The following NEK11 variants were observed in gnomAD, a reference collection of about 807,000 sequenced individuals.
The protein encoded by NEK11 is serine/threonine-protein kinase Nek11.
In NEK11, 72 loss-of-function variants were observed where a neutral mutation model predicts 80.7. The ratio of observed to expected loss-of-function variants is 0.89; its 90% CI spans 0.74 to 1.08. The LOEUF (loss-of-function observed/expected upper bound fraction) is 1.08. Among genes scored for constraint, NEK11 ranks in the 50% least tolerant of loss-of-function variants. The pLI is 0.00. For synonymous variants in NEK11, 251 were observed against 260.7 expected, an observed-to-expected ratio of 0.96 and a Z score of 0.36; for missense variants, 764 against 763.6, an observed-to-expected ratio of 1.00 and a Z score of -0.01.
intron 14 of NEK11, among the ~76,000 whole-genome samples, chr3:131,190,608 G>A (rs368622298): frequency 2.0e-5 from 3 of 152,056 alleles, no homozygotes; most frequent in African/African-American, 7.2e-5. Flanking sequence ...CACAACACTT[G>A]CTGTACAGCC....
At chr3:131,029,988 C>T (rs779349790) in intron 3 of NEK11, 110 bp downstream of exon 3, 108 of 1,024,602 alleles carry the variant, frequency 1.1e-4, no homozygotes, top group Non-Finnish European at 1.2e-4. Context: ...GCCTGTAATC[C>T]CAGCACTGTG....
intron 4 of NEK11, among the ~76,000 whole-genome samples, chr3:131,104,876 G>A (rs2078949545): frequency 6.6e-6 from 1 of 152,192 alleles, no homozygotes; most frequent in South Asian, 2.1e-4. Context: ...ATGCAGACAT[G>A]TGGTCCTTGG....
intron 16 of NEK11, among the ~76,000 whole-genome samples, chr3:131,258,970 T>C (rs376436232): frequency 1.4e-4 from 22 of 152,280 alleles, no homozygotes; most frequent in Admixed American, 3.9e-4. Context: ...CTTGGGTCTT[T>C]TGTAGCAATA....
chr3:131,043,102 T>C (rs969092211), intron 3 of NEK11, among the ~76,000 whole-genome samples: 1 of 151,954 alleles, frequency 6.6e-6, no homozygotes, highest in African/African-American at 2.4e-5. Context: ...AAAAACTTCA[T>C]CCAAAGGTCA....
intron 3 of NEK11, among the ~76,000 whole-genome samples, chr3:131,034,967 G>A (rs540956524): frequency 2.6e-5 from 4 of 152,240 alleles, no homozygotes; most frequent in African/African-American, 4.8e-5. Flanking sequence ...ATCCAAGTGC[G>A]TATCCAAATA....
At chr3:131,052,766 C>T (rs1254426483) in intron 3 of NEK11, among the ~76,000 whole-genome samples, 2 of 152,082 alleles carry the variant, frequency 1.3e-5, no homozygotes, top group Admixed American at 1.3e-4. Flanking sequence ...AGGCCCAGTA[C>T]CCTCTGACCT....
At chr3:131,148,475 T>C (rs946218483) in intron 7 of NEK11, among the ~76,000 whole-genome samples, 1 of 151,992 alleles carries the variant, frequency 6.6e-6, no homozygotes, top group Non-Finnish European at 1.5e-5. Flanking sequence ...CTGGAGTTTT[T>C]CTTTGCAAGA....
At chr3:131,112,136 C>G (rs1057251873) in intron 5 of NEK11, among the ~76,000 whole-genome samples, 3 of 152,026 alleles carry the variant, frequency 2.0e-5, no homozygotes. Context: ...TCCATAGAAG[C>G]CTTTTTTGTA....
intron 3 of NEK11, among the ~76,000 whole-genome samples, chr3:131,058,246 A>C (rs922508232): frequency 2.0e-5 from 3 of 152,046 alleles, no homozygotes; most frequent in African/African-American, 4.8e-5. Flanking sequence ...CCATTGATCT[A>C]TGTCTCTGTT....
At chr3:131,128,360 G>T (rs1243221276) in intron 5 of NEK11, among the ~76,000 whole-genome samples, 3 of 151,850 alleles carry the variant, frequency 2.0e-5, no homozygotes, top group South Asian at 2.1e-4. Context: ...TCTTTTTGTT[G>T]TCTCCATAGT....
chr3:131,133,938 A>T lies in NEK11; in HGVS notation c.629A>T (p.Asp210Val). ...GAGGCTCTGAAACACCAAGGCTATG[A>T]CACAAAGTCGGACATCTGGTGAGTG... Reference protein sequence around the residue: ...SPEALKHQGYDTKSDIWSLAC... With the variant: ...SPEALKHQGYVTKSDIWSLAC... The change falls in exon 7 of 18, where the codon GAC (aspartate) becomes GTC (valine). Residue 210 changes from aspartate (D) to valine (V), a missense_variant. Transcript: ENST00000383366. The T allele has an allele frequency of 6.2e-7, 1 of 1,610,238 alleles. No individual in the cohort carries two copies. The highest frequency in any genetic ancestry group is 8.5e-7 in the Non-Finnish European group (1 of 1,177,872).
intron 11 of NEK11, among the ~76,000 whole-genome samples, chr3:131,162,749 G>A (rs2056687714): frequency 6.6e-6 from 1 of 152,214 alleles, no homozygotes; most frequent in African/African-American, 2.4e-5. Flanking sequence ...TGAAGGGAAA[G>A]ATTAACTATT....
chr3:131,192,416 C>T (rs1002346722), intron 14 of NEK11, among the ~76,000 whole-genome samples: 3 of 152,088 alleles, frequency 2.0e-5, no homozygotes, highest in African/African-American at 7.2e-5. Flanking sequence ...ACCATATTTT[C>T]CAGCAGTTCC....
chr3:131,306,119 A>G (rs1327098500), intron 17 of NEK11, among the ~76,000 whole-genome samples: 1 of 152,094 alleles, frequency 6.6e-6, no homozygotes, highest in Non-Finnish European at 1.5e-5. Context: ...TATGTTGCCC[A>G]TCTTTTTGTA....
chr3:131,215,309 A>C (rs1359166506), intron 14 of NEK11, among the ~76,000 whole-genome samples: 3 of 151,420 alleles, frequency 2.0e-5, no homozygotes, highest in Non-Finnish European at 4.4e-5. Flanking sequence ...GCATTAGGAG[A>C]TATACCTAAT....
intron 3 of NEK11, among the ~76,000 whole-genome samples, chr3:131,063,021 A>T (rs2071187017): frequency 6.6e-6 from 1 of 152,162 alleles, no homozygotes; most frequent in Non-Finnish European, 1.5e-5. Flanking sequence ...GTTTTAAAAA[A>T]TTATTATTTT....
intron 17 of NEK11, among the ~76,000 whole-genome samples, chr3:131,291,392 C>T (rs2096542127): frequency 6.6e-6 from 1 of 152,124 alleles, no homozygotes; most frequent in Non-Finnish European, 1.5e-5. Context: ...TATAAACATC[C>T]ATGTTCAATT....
chr3:131,044,850 A>G (rs2067142254), intron 3 of NEK11, among the ~76,000 whole-genome samples: 1 of 152,196 alleles, frequency 6.6e-6, no homozygotes, highest in African/African-American at 2.4e-5. Context: ...CACTTATTCT[A>G]AAATCGACCA....
chr3:131,166,607 T>C (rs921629390), intron 12 of NEK11, among the ~76,000 whole-genome samples: 64 of 152,192 alleles, frequency 4.2e-4, no homozygotes, highest in African/African-American at 1.5e-3. Flanking sequence ...GTGGGGATGA[T>C]GGTAATATGT....
Sources: gnomAD v4.1 joint callset for allele counts (sites outside exome capture counted in the v4.1 genomes callset) on GRCh38, gnomAD v4.1.1 for gene constraint, MANE v1.5 for transcripts, NCBI Gene and HGNC (gene_info 2026-07-23, HGNC 2026-07-21) for gene names.